DISP1: variants seen among roughly 807,000 people sequenced by gnomAD.
DISP1 encodes protein dispatched homolog 1.
Under a neutral mutation model 37.3 loss-of-function variants are expected in DISP1, and 30 were observed. The ratio of observed to expected loss-of-function variants is 0.80; its 90% CI spans 0.60 to 1.09. The LOEUF is 1.09. Among genes scored for constraint, DISP1 ranks in the 50% least tolerant of loss-of-function variants. The pLI, the probability that DISP1 is intolerant of heterozygous loss-of-function variation, is 0.00. For synonymous variants in DISP1, 634 were observed against 690.2 expected, an observed-to-expected ratio of 0.92 and a Z score of 1.28; for missense variants, 1,598 against 1,879.5, an observed-to-expected ratio of 0.85 and a Z score of 2.77.
Position 223,003,036 on chromosome 1 carries a change from C to T in DISP1, c.1639C>T (p.Arg547Cys), listed in dbSNP as rs535777793. The part of the protein sequence containing the change: ...SSLIVSYFLY[R>C]VVFHFEFFPF... ...TTTGATTGTTTCCTATTTTCTCTATCGTGTAGTATTTCACTTCGAATTTTT... is the reference window on the plus strand; with the variant it reads ...TTTGATTGTTTCCTATTTTCTCTATTGTGTAGTATTTCACTTCGAATTTTT... Residue 547 changes from arginine (R) to cysteine (C), a missense_variant, in exon 9 of 9, where the codon CGT becomes TGT. Physicochemically the swap from Arg to Cys is radical, Grantham distance 180 (BLOSUM62 -3). Coordinates refer to ENST00000675850, the MANE Select transcript of DISP1 (RefSeq NM_001377229.1). This position sits in a 1 kb window ranked among gnomAD's most constrained non-coding sequence, Gnocchi z 4.3. The T allele has an allele frequency of 1.5e-5, 24 of 1,613,910 alleles. No homozygotes were observed. Among genetic ancestry groups the T allele is most frequent in the Middle Eastern group, 1.6e-4 (1 of 6,084 alleles).
chr1:222,884,609 A>T (rs756607463), intron 1 of DISP1, among the ~76,000 whole-genome samples: 2 of 152,168 alleles, frequency 1.3e-5, no homozygotes, highest in Non-Finnish European at 2.9e-5. Context: ...TACAGAAGGG[A>T]TGCTGTATAA....
At chr1:222,898,677 A>C (rs908090116) in intron 1 of DISP1, among the ~76,000 whole-genome samples, 4 of 152,100 alleles carry the variant, frequency 2.6e-5, no homozygotes, top group Non-Finnish European at 5.9e-5. Flanking sequence ...GAATTAAAAG[A>C]TGCCTAATGG....
chr1:222,911,395 T>C (rs1672202257), intron 1 of DISP1, among the ~76,000 whole-genome samples: 1 of 152,180 alleles, frequency 6.6e-6, no homozygotes, highest in Admixed American at 6.5e-5. Context: ...TTTACTTTGC[T>C]TCAAGTATAA....
chr1:222,845,414 G>T (rs571930703), intron 1 of DISP1, among the ~76,000 whole-genome samples: 3 of 152,186 alleles, frequency 2.0e-5, no homozygotes, highest in South Asian at 2.1e-4. Context: ...TGCTTAAAAG[G>T]ACTCTTGAAA....
chr1:222,829,004 T>G (rs901392713), intron 1 of DISP1, among the ~76,000 whole-genome samples: 1 of 152,162 alleles, frequency 6.6e-6, no homozygotes, highest in Non-Finnish European at 1.5e-5. Flanking sequence ...TATTTTAAAA[T>G]AAGTTCCTAG....
At chr1:222,913,122 A>G in intron 1 of DISP1, among the ~76,000 whole-genome samples, 1 of 152,208 alleles carries the variant, frequency 6.6e-6, no homozygotes, top group East Asian at 1.9e-4. Flanking sequence ...GAACTTAGTA[A>G]ATTAGAAAGG....
chr1:222,912,882 G>A (rs1301974697), intron 1 of DISP1, among the ~76,000 whole-genome samples: 1 of 152,172 alleles, frequency 6.6e-6, no homozygotes, highest in Non-Finnish European at 1.5e-5. Context: ...ATAGGGATGT[G>A]CTTTCATGTC....
At chr1:222,915,084 G>A (rs1672422073) in intron 1 of DISP1, among the ~76,000 whole-genome samples, 1 of 152,192 alleles carries the variant, frequency 6.6e-6, no homozygotes, top group African/African-American at 2.4e-5. Flanking sequence ...TGGTTGTCCT[G>A]GACACTGTCT....
chr1:222,903,947 A>C (rs1367603151), intron 1 of DISP1, among the ~76,000 whole-genome samples: 1 of 152,184 alleles, frequency 6.6e-6, no homozygotes, highest in Non-Finnish European at 1.5e-5. Flanking sequence ...GCTTAAATAC[A>C]TTTTATTTTT....
intron 1 of DISP1, among the ~76,000 whole-genome samples, chr1:222,854,231 T>C (rs1030935601): frequency 6.6e-6 from 1 of 152,200 alleles, no homozygotes; most frequent in African/African-American, 2.4e-5. Flanking sequence ...TCCGTTCTCA[T>C]GCTGCTGTCA....
intron 1 of DISP1, among the ~76,000 whole-genome samples, chr1:222,865,436 T>C (rs928286373): frequency 6.6e-6 from 1 of 152,156 alleles, no homozygotes; most frequent in South Asian, 2.1e-4. Flanking sequence ...CCCATACTTA[T>C]AAGAGGGAGT....
chr1:223,005,288 G>A lies in DISP1; in HGVS notation c.3891G>A (p.Gln1297=), dbSNP rs759918680. 6.2e-7 allele frequency: 1 copy of A among 1,613,768 alleles called. No homozygotes were observed. Among genetic ancestry groups the A allele is most frequent in the East Asian group, 2.2e-5 (1 of 44,870 alleles). The part of the protein sequence containing the change: ...CQQMGDCLCH[Q]CSPTTSSFVQ... ...AGATGGGGGACTGCTTGTGCCACCA[G>A]TGCTCTCCTACCACTAGCAGCTTTG... Residue 1297 remains glutamine (Q), a synonymous_variant, in exon 9 of 9, where the codon CAG becomes CAA. Transcript: ENST00000675850.
At chr1:222,931,611 A>G (rs530419685) in intron 2 of DISP1, among the ~76,000 whole-genome samples, 1 of 152,006 alleles carries the variant, frequency 6.6e-6, no homozygotes, top group African/African-American at 2.4e-5. Flanking sequence ...GAGGCTAAAT[A>G]ACAGTCCTGC....
In DISP1 at chr1:222,883,040, C is replaced by T. The variant is rs550151595; in HGVS notation, c.-158-45390C>T. On this transcript the variant is annotated intron_variant, in intron 1 of 8. Coordinates refer to ENST00000675850, the MANE Select transcript of DISP1 (RefSeq NM_001377229.1). ...GATAGTACTAGTCATAAAAGAAATG[C>T]CAGTTCAAATAAGGTAGGAAAATAA... Among the ~76,000 whole-genome samples, 27 of 152,060 alleles carry T rather than the reference C, an allele frequency of 1.8e-4. No individual in the cohort carries two copies. The South Asian group carries it at 5.6e-3, about 32-fold the overall frequency.
chr1:222,859,342 C>T (rs911612785), intron 1 of DISP1, among the ~76,000 whole-genome samples: 4 of 152,060 alleles, frequency 2.6e-5, no homozygotes, highest in East Asian at 1.9e-4. Flanking sequence ...GAGGTGGAGT[C>T]GGGGGAGGGA....
intron 1 of DISP1, among the ~76,000 whole-genome samples, chr1:222,918,548 G>A (rs537131014): frequency 6.6e-6 from 1 of 152,134 alleles, no homozygotes; most frequent in Non-Finnish European, 1.5e-5. Flanking sequence ...TGAGGGAATC[G>A]AGGGATTTGG....
At chr1:222,862,772 A>G (rs1205392554) in intron 1 of DISP1, among the ~76,000 whole-genome samples, 1 of 151,822 alleles carries the variant, frequency 6.6e-6, no homozygotes, top group Non-Finnish European at 1.5e-5. Flanking sequence ...GGCTCAGGCA[A>G]CCCCCAACCT....
At chr1:222,910,796 G>A (rs1672165989) in intron 1 of DISP1, among the ~76,000 whole-genome samples, 1 of 152,178 alleles carries the variant, frequency 6.6e-6, no homozygotes, top group South Asian at 2.1e-4. Flanking sequence ...ATTCAGCTTT[G>A]TCAATCTCAT....
At position 222,858,231 on chromosome 1, in the gene DISP1, A is replaced by G. The variant is rs888794685; in HGVS notation, c.-159+43153A>G. On this transcript the variant is annotated intron_variant, in intron 1 of 8. Coordinates refer to ENST00000675850, the MANE Select transcript of DISP1 (RefSeq NM_001377229.1). ...AATGGTGCTGGAATTACTATTATCT[A>G]TAGTATCTATACTAGCCCTAAAAGA... Among the ~76,000 whole-genome samples, 27 of 152,150 alleles carry G rather than the reference A, an allele frequency of 1.8e-4. 1 individual carries two copies.
Sources: gnomAD v4.1 joint callset for allele counts (sites outside exome capture counted in the v4.1 genomes callset) on GRCh38, gnomAD v4.1.1 for gene constraint, Gnocchi (gnomAD v3.1) non-coding constraint, MANE v1.5 for transcripts, NCBI Gene and HGNC (gene_info 2026-07-23, HGNC 2026-07-21) for gene names.